The following TMEM255B variants were observed in gnomAD, a reference collection of about 807,000 sequenced individuals.
TMEM255B encodes family with sequence similarity 70, member B.
Under a neutral mutation model 34.5 loss-of-function variants are expected in TMEM255B, and 35 were observed. That is an observed-to-expected ratio of 1.01 (90% CI 0.77 to 1.34). TMEM255B has a LOEUF of 1.34. TMEM255B is among the 40% of genes most tolerant of loss of function. The probability of loss-of-function intolerance (pLI) is 0.00; values close to 1 mark genes in which losing one functional copy is unlikely to be tolerated. For missense variants in TMEM255B, 432 were observed against 433.2 expected (o/e 1.00, Z 0.02); for synonymous variants, 206 against 201.2 (o/e 1.02, Z -0.20).
chr13:113,780,338 C>G (rs1416821392), intron 3 of TMEM255B, among the ~76,000 whole-genome samples: 1 of 152,186 alleles, frequency 6.6e-6, no homozygotes, highest in Admixed American at 6.5e-5. Flanking sequence ...CAAAAGAAAA[C>G]AGATTCTTAT....
intron 8 of TMEM255B, among the ~76,000 whole-genome samples, chr13:113,807,504 G>A (rs1247814786): frequency 7.4e-6 from 1 of 135,254 alleles, no homozygotes; most frequent in Non-Finnish European, 1.6e-5. Flanking sequence ...GGATGTGGAG[G>A]GTGGTCCTCC....
At chr13:113,803,956 A>G (rs1387130211) in intron 7 of TMEM255B, among the ~76,000 whole-genome samples, 1 of 15,712 alleles carries the variant, frequency 6.4e-5, no homozygotes, top group East Asian at 6.6e-3. Context: ...CACCGTGGCC[A>G]GCCCCTCGCA....
intron 5 of TMEM255B, chr13:113,799,896 C>G: frequency 8.4e-7 from 1 of 1,184,290 alleles, no homozygotes; most frequent in Non-Finnish European, 1.1e-6. Context: ...AGCTCTGTGA[C>G]GGCGCTCTCT....
chr13:113,790,399 C>G (rs1435889169), intron 3 of TMEM255B, among the ~76,000 whole-genome samples: 1 of 97,664 alleles, frequency 1.0e-5, no homozygotes. Flanking sequence ...GTGGACTGAC[C>G]GGACACGTGG....
chr13:113,804,454 C>G (rs192496066), intron 7 of TMEM255B, among the ~76,000 whole-genome samples: 51 of 152,154 alleles, frequency 3.4e-4, no homozygotes, highest in Non-Finnish European at 5.6e-4. Context: ...TTCTCCCCCC[C>G]CAAAAAATCA....
At chr13:113,794,297 G>A (rs1034164933) in intron 3 of TMEM255B, among the ~76,000 whole-genome samples, 15 of 152,112 alleles carry the variant, frequency 9.9e-5, no homozygotes, top group African/African-American at 3.4e-4. Context: ...TGCCTGGTGC[G>A]CAGGACAGGT....
Position 113,804,826 on chromosome 13 carries a change from G to C in TMEM255B, c.670-59G>C, listed in dbSNP as rs916121164. 8 of 1,481,472 alleles carry C rather than the reference G, an allele frequency of 5.4e-6. No homozygotes were observed. The African/African-American group carries it at 9.8e-5, about 18-fold the overall frequency. 91.8% of individuals were successfully genotyped at this position (1,481,472 alleles called of 1,614,324 possible). A position where few individuals can be genotyped will look rare whatever the true frequency, so the allele number is the denominator to read the frequency against. ...GGTGCTGGGCTTTCTAGGAAGGCTGGACAGCCCTTCCCTCCACTAGGGGGT... is the reference window on the plus strand; with the variant it reads ...GGTGCTGGGCTTTCTAGGAAGGCTGCACAGCCCTTCCCTCCACTAGGGGGT... On this transcript the variant is annotated intron_variant, in intron 7 of 8. Transcript: ENST00000375353.
chr13:113,777,703 C>T (rs1772281532), intron 3 of TMEM255B, among the ~76,000 whole-genome samples: 1 of 152,176 alleles, frequency 6.6e-6, no homozygotes, highest in Non-Finnish European at 1.5e-5. Flanking sequence ...GCACCAGGTC[C>T]CTTGTCCTAA....
chr13:113,768,072 C>T (rs2050418264), intron 2 of TMEM255B: 1 of 405,796 alleles, frequency 2.5e-6, no homozygotes, highest in Non-Finnish European at 5.3e-6. Flanking sequence ...ATAAAGAAGT[C>T]CGGTTTCCAG....
chr13:113,785,471 C>T (rs2050726543), intron 3 of TMEM255B, among the ~76,000 whole-genome samples: 1 of 152,240 alleles, frequency 6.6e-6, no homozygotes, highest in Admixed American at 6.5e-5. Flanking sequence ...TGCTCCTCGT[C>T]CTACCTCTCT....
At chr13:113,763,886 A>C (rs9577907) in intron 1 of TMEM255B, among the ~76,000 whole-genome samples, 65,786 of 152,152 alleles carry the variant, frequency 0.43, 15,554 homozygotes, top group East Asian at 0.65. Flanking sequence ...GAACTGTGCG[A>C]GTTAGAGGTG....
At chr13:113,764,582 C>T (rs759796859) in intron 1 of TMEM255B, among the ~76,000 whole-genome samples, 16 of 152,206 alleles carry the variant, frequency 1.1e-4, no homozygotes, top group African/African-American at 2.2e-4. Flanking sequence ...GTGACACATC[C>T]GGAGCGCCCT....
At chr13:113,802,983 C>T (rs2051094608) in intron 7 of TMEM255B, 2 of 148,338 alleles carry the variant, frequency 1.3e-5, no homozygotes, top group Admixed American at 6.7e-5. Flanking sequence ...TTTGGCGTCT[C>T]CTCGGTGCAA....
chr13:113,774,590 A>T (rs1219526907), intron 3 of TMEM255B, among the ~76,000 whole-genome samples: 1 of 115,096 alleles, frequency 8.7e-6, no homozygotes, highest in Non-Finnish European at 1.8e-5. Context: ...ACACCACACA[A>T]CACACAAATG....
intron 7 of TMEM255B, among the ~76,000 whole-genome samples, chr13:113,804,552 G>C (rs915918062): frequency 6.6e-6 from 1 of 152,198 alleles, no homozygotes; most frequent in African/African-American, 2.4e-5. Context: ...GAGAACCTCA[G>C]TGTAAAGCTA....
intron 4 of TMEM255B, among the ~76,000 whole-genome samples, chr13:113,798,293 A>G (rs1246698156): frequency 6.6e-6 from 1 of 151,322 alleles, no homozygotes; most frequent in Non-Finnish European, 1.5e-5. Context: ...CGGATGATGG[A>G]TGGATGGTGG....
intron 8 of TMEM255B, among the ~76,000 whole-genome samples, chr13:113,808,683 G>C (rs1471180061): frequency 6.7e-6 from 1 of 149,406 alleles, no homozygotes; most frequent in East Asian, 2.0e-4. Flanking sequence ...TGGTTACTGG[G>C]GGTTTACTTC....
chr13:113,805,065 G>A, intron 8 of TMEM255B, 37 bp downstream of exon 8: 2 of 1,560,608 alleles, frequency 1.3e-6, no homozygotes, highest in South Asian at 1.2e-5. Context: ...TGGACGCGCT[G>A]GTCACAGGCA....
At chr13:113,778,786 G>A (rs61966745) in intron 3 of TMEM255B, among the ~76,000 whole-genome samples, 231 of 152,330 alleles carry the variant, frequency 1.5e-3, no homozygotes, top group Non-Finnish European at 2.3e-3. Context: ...CTGACATTAG[G>A]TTTTTGTTGA....
Sources: gnomAD v4.1 joint callset for allele counts (sites outside exome capture counted in the v4.1 genomes callset) on GRCh38, gnomAD v4.1.1 for gene constraint, MANE v1.5 for transcripts, NCBI Gene and HGNC (gene_info 2026-07-23, HGNC 2026-07-21) for gene names.